The following FMN2 variants were observed in gnomAD, a reference collection of about 807,000 sequenced individuals.
FMN2 encodes the protein formin 2.
FMN2 carries 51 observed loss-of-function variants against 142.3 expected under a neutral mutation model. The observed-to-expected ratio is 0.36, with a 90% CI of 0.29 to 0.45. The LOEUF (loss-of-function observed/expected upper bound fraction) is 0.45. Ranked by LOEUF, FMN2 falls within the 20% of genes least tolerant of loss-of-function variation. The pLI, the probability that FMN2 is intolerant of heterozygous loss-of-function variation, is 1.00. For synonymous variants in FMN2, 882 were observed against 869.8 expected (o/e 1.01, Z -0.25); for missense variants, 1,936 against 2,122.8 (o/e 0.91, Z 1.73).
intron 2 of FMN2, among the ~76,000 whole-genome samples, chr1:240,177,353 A>G (rs1261424605): frequency 7.0e-6 from 1 of 142,126 alleles, no homozygotes; most frequent in African/African-American, 2.6e-5. Context: ...GAAGATCCCT[A>G]TTCAATTCTT....
rs57504077 is a variant in FMN2, at chr1:240,297,594, CAAAAAAA to C, written c.4215+2727_4215+2733del. Among the ~76,000 whole-genome samples the C allele has an allele frequency of 1.4e-3, 120 of 88,772 alleles. 1 individual carries two copies. Among genetic ancestry groups the C allele is most frequent in the Admixed American group, 3.5e-3 (31 of 8,750 alleles). 58.2% of individuals were successfully genotyped at this position (88,772 alleles called of 152,430 possible). On this transcript the variant is annotated intron_variant, in intron 8 of 17. Transcript: ENST00000319653. The stretch of plus-strand genomic sequence containing the variant: ...CTGGTGACAGAGTGAGACTCCATCT[CAAAAAAA>C]AAAAAAAAAAAAAAAGAATATTTTA...
chr1:240,091,951 A>G lies in FMN2; in HGVS notation c.-159A>G. Reference sequence around the variant, plus strand: ...ATTATGCAAAGCGGCGGCAGATGCGAGCGGGGCCAGCCGGGCGCGCGTCGG... The same window carrying G: ...ATTATGCAAAGCGGCGGCAGATGCGGGCGGGGCCAGCCGGGCGCGCGTCGG... On this transcript the variant is annotated 5_prime_UTR_variant, in exon 1 of 18. Transcript: ENST00000319653. 3 of 1,245,704 alleles carry G rather than the reference A, an allele frequency of 2.4e-6. No individual in the cohort carries two copies. The highest frequency in any genetic ancestry group is 3.1e-6 in the Non-Finnish European group (3 of 958,932). The allele number at this position is 1,245,704 out of a possible 1,614,324, so 77.2% of individuals were successfully genotyped here. A position where few individuals can be genotyped will look rare whatever the true frequency, so the allele number is the denominator to read the frequency against.
At position 240,228,303 on chromosome 1, in the gene FMN2, CAAAAAAAAAAAAAA is replaced by C. The variant is rs577421634; in HGVS notation, c.4065+17084_4065+17097del. ...GGGCAACAAGAGTGAAACTCTGTCT[CAAAAAAAAAAAAAA>C]AAAAAAAAAAAAAAAGAAAAAGAAA... On this transcript the variant is annotated intron_variant, in intron 6 of 17. Coordinates refer to ENST00000319653, the MANE Select transcript of FMN2 (RefSeq NM_020066.5). Among the ~76,000 whole-genome samples, 299 of 47,754 alleles carry C rather than the reference CAAAAAAAAAAAAAA, an allele frequency of 6.3e-3. 1 individual carries two copies. The highest frequency in any genetic ancestry group is 0.019 in the Middle Eastern group (1 of 52). The allele number at this position is 47,754 out of a possible 152,430, so 31.3% of individuals were successfully genotyped here.
intron 2 of FMN2, chr1:240,170,266 C>T (rs1378573395): frequency 1.8e-5 from 22 of 1,192,206 alleles, no homozygotes; most frequent in South Asian, 8.7e-5. Flanking sequence ...CCTAAAGGCT[C>T]GTGAAGTTTG....
intron 8 of FMN2, among the ~76,000 whole-genome samples, chr1:240,321,162 T>C (rs1670958700): frequency 6.6e-6 from 1 of 152,158 alleles, no homozygotes; most frequent in Non-Finnish European, 1.5e-5. Flanking sequence ...TGTTTTTTTT[T>C]TTTCATTGAA....
chr1:240,093,814 G>A, intron 1 of FMN2, 90 bp downstream of exon 1: 1 of 931,664 alleles, frequency 1.1e-6, no homozygotes, highest in Non-Finnish European at 1.4e-6. Context: ...GGCTCTGGAA[G>A]GCGGTGACCT....
At chr1:240,110,622 A>G (rs780812164) in intron 1 of FMN2, among the ~76,000 whole-genome samples, 1 of 152,148 alleles carries the variant, frequency 6.6e-6, no homozygotes, top group Non-Finnish European at 1.5e-5. Flanking sequence ...CTAGTGTATG[A>G]CTGCAAAGCT....
intron 1 of FMN2, among the ~76,000 whole-genome samples, chr1:240,096,314 G>A (rs746000432): frequency 6.6e-6 from 1 of 152,138 alleles, no homozygotes; most frequent in South Asian, 2.1e-4. Flanking sequence ...TTTTAATAAG[G>A]TGTCCTCCTT....
At chr1:240,227,348 GT>G (rs1448915371) in intron 6 of FMN2, among the ~76,000 whole-genome samples, 2 of 152,168 alleles carry the variant, frequency 1.3e-5, no homozygotes, top group Non-Finnish European at 2.9e-5. Flanking sequence ...ACTTGATATT[GT>G]TAAGATGATG....
At chr1:240,343,251 G>C (rs1230937760) in intron 13 of FMN2, among the ~76,000 whole-genome samples, 1 of 152,182 alleles carries the variant, frequency 6.6e-6, no homozygotes, top group African/African-American at 2.4e-5. Flanking sequence ...ACTACTCTGT[G>C]TCACTGTTTT....
At chr1:240,169,025 A>T (rs938959610) in intron 2 of FMN2, among the ~76,000 whole-genome samples, 1 of 152,140 alleles carries the variant, frequency 6.6e-6, no homozygotes, top group Non-Finnish European at 1.5e-5. Context: ...ATCCTAGCCG[A>T]TATGGTGAAA....
intron 8 of FMN2, among the ~76,000 whole-genome samples, chr1:240,314,540 T>C (rs1670702689): frequency 6.6e-6 from 1 of 152,198 alleles, no homozygotes; most frequent in Non-Finnish European, 1.5e-5. Flanking sequence ...GTTATTGTTG[T>C]CCTCCTCAAG....
At chr1:240,160,044 ATT>A (rs150735270) in intron 2 of FMN2, among the ~76,000 whole-genome samples, 1 of 144,936 alleles carries the variant, frequency 6.9e-6, no homozygotes, top group South Asian at 2.2e-4. Flanking sequence ...TCATCTTAGA[ATT>A]TTTTTTTTGT....
intron 2 of FMN2, chr1:240,144,276 C>T (rs772753720): frequency 3.1e-6 from 5 of 1,604,004 alleles, no homozygotes; most frequent in South Asian, 1.1e-5. Context: ...TTCATGCGGG[C>T]AGAGTCCACC....
At chr1:240,094,493 A>G (rs1206230435) in intron 1 of FMN2, among the ~76,000 whole-genome samples, 1 of 152,122 alleles carries the variant, frequency 6.6e-6, no homozygotes, top group Admixed American at 6.5e-5. Context: ...AGCATATGTT[A>G]TAGACTCATA....
chr1:240,225,212 G>T (rs1227475698), intron 6 of FMN2, among the ~76,000 whole-genome samples: 1 of 152,126 alleles, frequency 6.6e-6, no homozygotes, highest in Non-Finnish European at 1.5e-5. Context: ...ACCCAAGGCT[G>T]TACCCTCACA....
In FMN2 at chr1:240,092,046, G is replaced by C; in HGVS notation, c.-64G>C. The C allele has an allele frequency of 2.7e-6, 4 of 1,493,836 alleles. No individual in the cohort carries two copies. The highest frequency in any genetic ancestry group is 2.7e-6 in the Non-Finnish European group (3 of 1,125,920). 92.5% of individuals were successfully genotyped at this position (1,493,836 alleles called of 1,614,324 possible). Reference sequence around the variant, plus strand: ...GGAGACTCCCTAGGCCCGGACCTGGGGCCGAGGAGGGCCGGGATGGCCTGA... The same window carrying C: ...GGAGACTCCCTAGGCCCGGACCTGGCGCCGAGGAGGGCCGGGATGGCCTGA... On this transcript the variant is annotated 5_prime_UTR_variant, in exon 1 of 18. Coordinates refer to ENST00000319653, the MANE Select transcript of FMN2 (RefSeq NM_020066.5).
intron 16 of FMN2, among the ~76,000 whole-genome samples, chr1:240,448,785 C>T (rs1675908021): frequency 6.6e-6 from 1 of 151,606 alleles, no homozygotes; most frequent in African/African-American, 2.4e-5. Context: ...TGTGCCACTG[C>T]ACTCCTGCGT....
At chr1:240,158,585 C>A (rs1664131871) in intron 2 of FMN2, among the ~76,000 whole-genome samples, 1 of 152,062 alleles carries the variant, frequency 6.6e-6, no homozygotes, top group South Asian at 2.1e-4. Context: ...ATAAAAATCA[C>A]ATAACTGCAT....
Sources: gnomAD v4.1 joint callset for allele counts (sites outside exome capture counted in the v4.1 genomes callset) on GRCh38, gnomAD v4.1.1 for gene constraint, MANE v1.5 for transcripts, NCBI Gene and HGNC (gene_info 2026-07-23, HGNC 2026-07-21) for gene names.